The following CDH2 variants were observed in gnomAD, a reference collection of about 807,000 sequenced individuals.
The protein encoded by CDH2 is cadherin 2, also known as cadherin-2.
A neutral mutation model predicts 92.0 loss-of-function variants in CDH2; 17 were observed. That is an observed-to-expected ratio of 0.18 (90% CI 0.13 to 0.28). The LOEUF (loss-of-function observed/expected upper bound fraction) is 0.28. Among genes scored for constraint, CDH2 ranks in the 10% least tolerant of loss-of-function variants. The pLI, the probability that CDH2 is intolerant of heterozygous loss-of-function variation, is 1.00. For missense variants in CDH2, 862 were observed against 1,133.1 expected (o/e 0.76, Z 3.44); for synonymous variants, 419 against 415.9 (o/e 1.01, Z -0.09).
chr18:28,088,372 C>T (rs1220397153), intron 2 of CDH2, among the ~76,000 whole-genome samples: 4 of 152,110 alleles, frequency 2.6e-5, no homozygotes. Flanking sequence ...GCCCTGAACA[C>T]GCAAATGAGT....
At chr18:28,073,608 G>A (rs1176092870) in intron 2 of CDH2, among the ~76,000 whole-genome samples, 1 of 152,174 alleles carries the variant, frequency 6.6e-6, no homozygotes, top group African/African-American at 2.4e-5. Context: ...GCAGATGATA[G>A]AATCTACTCT....
chr18:27,982,542 G>A (rs1448645723), intron 14 of CDH2, among the ~76,000 whole-genome samples: 1 of 152,096 alleles, frequency 6.6e-6, no homozygotes, highest in Non-Finnish European at 1.5e-5. Flanking sequence ...CTGAAATATT[G>A]GATTTCCTTG....
chr18:27,968,143 A>G (rs775492444), intron 14 of CDH2, among the ~76,000 whole-genome samples: 1 of 152,242 alleles, frequency 6.6e-6, no homozygotes, highest in Non-Finnish European at 1.5e-5. Context: ...GTCAAGAATT[A>G]CATTAGGTGC....
chr18:28,146,018 C>CA (rs2016029403), intron 2 of CDH2, among the ~76,000 whole-genome samples: 1 of 152,124 alleles, frequency 6.6e-6, no homozygotes, highest in South Asian at 2.1e-4. Context: ...AAGACACTGG[C>CA]AAAAAGCTAT....
chr18:28,090,011 A>G (rs1567994259), intron 2 of CDH2, among the ~76,000 whole-genome samples: 1 of 152,242 alleles, frequency 6.6e-6, no homozygotes, highest in African/African-American at 2.4e-5. Flanking sequence ...ATGAGAAACT[A>G]AAGTGTAGTT....
At chr18:28,009,647 A>T in intron 5 of CDH2, 70 bp downstream of exon 5, 1 of 1,385,420 alleles carries the variant, frequency 7.2e-7, no homozygotes, top group Non-Finnish European at 1.0e-6. Flanking sequence ...CTGATATAAG[A>T]GGCAATGGTA....
At chr18:28,159,994 A>C (rs1278947902) in intron 1 of CDH2, among the ~76,000 whole-genome samples, 1 of 152,038 alleles carries the variant, frequency 6.6e-6, no homozygotes, top group African/African-American at 2.4e-5. Context: ...TATAGCCTTG[A>C]TTGTGTAGGG....
intron 1 of CDH2, among the ~76,000 whole-genome samples, chr18:28,168,944 C>T (rs897875171): frequency 6.6e-6 from 1 of 152,024 alleles, no homozygotes; most frequent in Non-Finnish European, 1.5e-5. Flanking sequence ...TAGTCAAGCC[C>T]AACTTGAATA....
intron 2 of CDH2, among the ~76,000 whole-genome samples, chr18:28,135,552 A>G (rs185006487): frequency 1.2e-3 from 190 of 152,314 alleles, no homozygotes; most frequent in Non-Finnish European, 1.6e-3. Flanking sequence ...CAGTTTGAGT[A>G]GTTAGTGTGA....
In CDH2 at chr18:28,061,260, AC is replaced by A. The variant is rs2014397314; in HGVS notation, c.173-47352del. ...TAAAGCAAAATTTGTACACATTTCC[AC>A]AGTCAAGTCCACAAAACACCCTCCT... On this transcript the variant is annotated intron_variant, in intron 2 of 15. Transcript: ENST00000269141. Among the ~76,000 whole-genome samples, 5 of 152,276 alleles carry A rather than the reference AC, an allele frequency of 3.3e-5. No individual in the cohort carries two copies. In the South Asian group the frequency reaches 1.0e-3, roughly 32 times the overall value.
chr18:27,983,092 A>G lies in CDH2; in HGVS notation c.2210-9T>C. 2 of 1,596,306 alleles carry G rather than the reference A, an allele frequency of 1.3e-6. No homozygotes were observed. The highest frequency in any genetic ancestry group is 1.7e-6 in the Non-Finnish European group (2 of 1,170,118). On this transcript the variant is annotated splice_polypyrimidine_tract_variant and intron_variant, in intron 13 of 15. Coordinates refer to ENST00000269141, the MANE Select transcript of CDH2 (RefSeq NM_001792.5). ...AAACATCAGCACAAGGACTAGGTAGAAAAATAGTAAAAATACATAATATTG... is the reference window on the plus strand; with the variant it reads ...AAACATCAGCACAAGGACTAGGTAGGAAAATAGTAAAAATACATAATATTG...
Position 28,003,128 on chromosome 18 carries a change from G to A in CDH2, c.889C>T (p.Pro297Ser). 2 of 1,613,900 alleles carry A rather than the reference G, an allele frequency of 1.2e-6. No homozygotes were observed. Among genetic ancestry groups the A allele is most frequent in the Non-Finnish European group, 1.7e-6 (2 of 1,179,850 alleles). ...CTCAACATCCCATTGAGGGCATTGG[G>A]ATCGTCAGCATCAATTGCTGTTACG... ...MTVTAIDADD[P>S]NALNGMLRYR... is the part of the protein sequence containing the mutation. The change falls in exon 7 of 16, where the codon CCC becomes TCC. Residue 297 changes from proline to serine, a missense_variant. Physicochemically the swap from Pro to Ser is moderately conservative, Grantham distance 74 (BLOSUM62 -1). This residue lies in a region of CDH2 where 564 missense variants were observed against 722.2 expected (regional missense o/e 0.78). Transcript: ENST00000269141.
intron 6 of CDH2, among the ~76,000 whole-genome samples, chr18:28,003,856 A>G (rs181082773): frequency 4.2e-4 from 64 of 152,260 alleles, no homozygotes; most frequent in Admixed American, 2.5e-3. Context: ...CTAGCTAGAC[A>G]CTCTGTAATT....
At chr18:28,085,763 G>A (rs1369871575) in intron 2 of CDH2, among the ~76,000 whole-genome samples, 1 of 152,012 alleles carries the variant, frequency 6.6e-6, no homozygotes, top group Non-Finnish European at 1.5e-5. Flanking sequence ...CTAGAGTCAC[G>A]GTAATCCTTG....
chr18:27,980,552 A>G (rs1389747733), intron 14 of CDH2, among the ~76,000 whole-genome samples: 1 of 152,162 alleles, frequency 6.6e-6, no homozygotes, highest in Non-Finnish European at 1.5e-5. Context: ...TAAAAACCCC[A>G]TTATATAATT....
chr18:28,036,603 T>C, intron 2 of CDH2: 2 of 1,210,856 alleles, frequency 1.7e-6, no homozygotes, highest in Non-Finnish European at 1.2e-6. Flanking sequence ...AAAGTCATAA[T>C]AGGTATGTCA....
chr18:28,006,237 T>C (rs1345509849), intron 5 of CDH2, among the ~76,000 whole-genome samples: 2 of 152,148 alleles, frequency 1.3e-5, no homozygotes, highest in East Asian at 3.9e-4. Context: ...ACTCCTTTAA[T>C]TCACGTACAA....
intron 2 of CDH2, among the ~76,000 whole-genome samples, chr18:28,124,295 A>G (rs2015638971): frequency 6.6e-6 from 1 of 152,140 alleles, no homozygotes; most frequent in African/African-American, 2.4e-5. Context: ...GTCAAACTCA[A>G]TTCTCATTCA....
chr18:28,174,246 A>C (rs1449618828), intron 1 of CDH2, among the ~76,000 whole-genome samples: 3 of 150,880 alleles, frequency 2.0e-5, no homozygotes, highest in African/African-American at 4.9e-5. Flanking sequence ...CTGGAATTTA[A>C]AAAAAAAAGA....
Sources: gnomAD v4.1 joint callset for allele counts (sites outside exome capture counted in the v4.1 genomes callset) on GRCh38, gnomAD v4.1.1 for gene constraint, gnomAD v4.1.1 regional missense constraint, MANE v1.5 for transcripts, NCBI Gene and HGNC (gene_info 2026-07-23, HGNC 2026-07-21) for gene names.